NR5A1: variants seen among roughly 807,000 people sequenced by gnomAD.
The protein encoded by NR5A1 is steroidogenic factor 1.
NR5A1 carries 6 observed loss-of-function variants against 42.7 expected under a neutral mutation model. The ratio of observed to expected loss-of-function variants is 0.14; its 90% confidence interval spans 0.08 to 0.28. The LOEUF is 0.28. NR5A1 is among the 10% of genes least tolerant of loss of function. NR5A1 has a pLI of 1.00. For missense variants in NR5A1, 442 were observed against 626.4 expected (o/e 0.71, Z 3.14); for synonymous variants, 274 against 277.5 (o/e 0.99, Z 0.12).
chr9:124,503,470 GGCCGCCGCCCCA>G lies in NR5A1; in HGVS notation c.-15-72_-15-61del, dbSNP rs1832499843. 1.4e-6 allele frequency: 2 copies of G among 1,408,756 alleles called. No homozygotes were observed. Among genetic ancestry groups the G allele is most frequent in the East Asian group, 5.2e-5 (2 of 38,746 alleles). The allele number at this position is 1,408,756 out of a possible 1,614,324, so 87.3% of individuals were successfully genotyped here. On this transcript the variant is annotated intron_variant, in intron 1 of 6. Transcript: ENST00000373588. The surrounding 1 kb of genome is among the most constrained non-coding windows in gnomAD (Gnocchi z 9.6). ...GAGACCGGCAGCCTGGGGTCCCCGC[GGCCGCCGCCCCA>G]GCCGCTGTCGCCGGCCCGTCGCGTA... is the stretch of plus-strand genomic sequence containing the variant.
At chr9:124,492,033 G>A (rs768693272) in intron 5 of NR5A1, among the ~76,000 whole-genome samples, 39 of 152,094 alleles carry the variant, frequency 2.6e-4, no homozygotes, top group Non-Finnish European at 4.3e-4. Context: ...AGTGCTGCCC[G>A]TCCCGTCCTC....
chr9:124,493,666 C>G (rs561306539), intron 4 of NR5A1, among the ~76,000 whole-genome samples: 27 of 152,336 alleles, frequency 1.8e-4, no homozygotes, highest in African/African-American at 5.8e-4. Context: ...GCTTCCCCCC[C>G]GGGCCTACGC....
intron 1 of NR5A1, among the ~76,000 whole-genome samples, chr9:124,504,869 C>T (rs906429540): frequency 1.2e-4 from 17 of 140,878 alleles, no homozygotes; most frequent in African/African-American, 4.1e-4. Context: ...CGGCTCCCCC[C>T]TCCCGCCTCC....
At chr9:124,507,219 T>G (rs1408687873) in intron 1 of NR5A1, 30 bp downstream of exon 1, 1 of 152,482 alleles carries the variant, frequency 6.6e-6, no homozygotes, top group East Asian at 1.9e-4. Context: ...AGGCTGGCCA[T>G]TAGAGGCCTG....
At chr9:124,492,789 C>T (rs1362724330) in intron 5 of NR5A1, among the ~76,000 whole-genome samples, 1 of 152,258 alleles carries the variant, frequency 6.6e-6, no homozygotes, top group Admixed American at 6.5e-5. Context: ...ATGCCCACAC[C>T]CCCTGAGCTG....
rs1428535872 is a variant in NR5A1, at chr9:124,507,266, C to T, written c.-33G>A. ...TCACTTACGAAGCGGAAGCAGCGCT[C>T]TCACACCGGATGAGGGTGGCAGTGG... is the stretch of plus-strand genomic sequence containing the variant. On this transcript the variant is annotated 5_prime_UTR_variant, in exon 1 of 7. Transcript: ENST00000373588. The T allele has an allele frequency of 6.6e-6, 1 of 152,570 alleles. No individual in the cohort carries two copies. The highest frequency in any genetic ancestry group is 1.5e-5 in the Non-Finnish European group (1 of 68,230). The allele number at this position is 152,570 out of a possible 1,614,324, so 9.5% of individuals were successfully genotyped here.
At position 124,503,875 on chromosome 9, in the gene NR5A1, A is replaced by T. The variant is rs1038463637; in HGVS notation, c.-15-465T>A. ...GAGTCCGGGGGAGCCAGAGATGGGA[A>T]GAAACTCTGGCGAGAGACAACGACC... On this transcript the variant is annotated intron_variant, in intron 1 of 6. Coordinates refer to ENST00000373588, the MANE Select transcript of NR5A1 (RefSeq NM_004959.5). This position sits in a 1 kb window ranked among gnomAD's most constrained non-coding sequence, Gnocchi z 9.6. 3.9e-5 allele frequency among the ~76,000 whole-genome samples: 6 copies of T among 152,118 alleles called. No homozygotes were observed. Among genetic ancestry groups the T allele is most frequent in the African/African-American group, 1.4e-4 (6 of 41,420 alleles).
Position 124,482,722 on chromosome 9 carries a change from CCCG to C in NR5A1, c.*33_*35del. 1.6e-5 allele frequency: 6 copies of C among 364,168 alleles called. No individual in the cohort carries two copies. The highest frequency in any genetic ancestry group is 2.6e-5 in the African/African-American group (1 of 38,264). 22.6% of individuals were successfully genotyped at this position (364,168 alleles called of 1,614,324 possible). A position where few individuals can be genotyped will look rare whatever the true frequency, so the allele number is the denominator to read the frequency against. On this transcript the variant is annotated 3_prime_UTR_variant, in exon 7 of 7. Transcript: ENST00000373588. ...GCCCCGCCCAGGCCCCGCCCCCAGT[CCCG>C]CCCCCAGTCCCGGCCCCGCCCCCGG...
intron 6 of NR5A1, among the ~76,000 whole-genome samples, chr9:124,486,615 C>T (rs1211314365): frequency 6.6e-6 from 1 of 152,168 alleles, no homozygotes; most frequent in Non-Finnish European, 1.5e-5. Context: ...TCTAGGATTC[C>T]CCCAGAGAGG....
At chr9:124,505,641 C>T (rs1407192194) in intron 1 of NR5A1, among the ~76,000 whole-genome samples, 1 of 152,140 alleles carries the variant, frequency 6.6e-6, no homozygotes, top group Non-Finnish European at 1.5e-5. Flanking sequence ...GGTCGCTGGG[C>T]TGGAAATGGG....
At position 124,491,015 on chromosome 9, in the gene NR5A1, T is replaced by TCGCCCC; in HGVS notation, c.1138+65_1138+66insGGGGCG. On this transcript the variant is annotated intron_variant, in intron 6 of 6. Transcript: ENST00000373588. ...CCACAGCAGGGCTACCTCTCCAGCC[T>TCGCCCC]CACCCACCCTCCCACCCACCCGCCT... is the stretch of plus-strand genomic sequence containing the variant. The TCGCCCC allele has an allele frequency of 3.9e-5, 25 of 634,816 alleles. 1 individual carries two copies. The highest frequency in any genetic ancestry group is 6.1e-5 in the Non-Finnish European group (22 of 363,624). The allele number at this position is 634,816 out of a possible 1,614,324, so 39.3% of individuals were successfully genotyped here. A position where few individuals can be genotyped will look rare whatever the true frequency, so the allele number is the denominator to read the frequency against.
chr9:124,490,431 A>G (rs1007941039), intron 6 of NR5A1, among the ~76,000 whole-genome samples: 1 of 151,952 alleles, frequency 6.6e-6, no homozygotes, highest in African/African-American at 2.4e-5. Flanking sequence ...AACGGGAAGG[A>G]GACCCCCCAA....
intron 5 of NR5A1, among the ~76,000 whole-genome samples, chr9:124,492,260 C>T (rs1188682622): frequency 6.6e-6 from 1 of 150,790 alleles, no homozygotes; most frequent in Non-Finnish European, 1.5e-5. Flanking sequence ...CCTCTCTTTC[C>T]CTACAGCCCA....
chr9:124,486,020 G>A (rs10986355), intron 6 of NR5A1, among the ~76,000 whole-genome samples: 76,096 of 151,764 alleles, frequency 0.5, 19,323 homozygotes, highest in East Asian at 0.63. Flanking sequence ...GGGCAGGGGC[G>A]GGAGGGGGCT....
chr9:124,500,558 G>A lies in NR5A1; in HGVS notation c.402C>T (p.Pro134=), dbSNP rs374497365. ...TGGGAGGCAGCACGTAGTCCGGTGC[G>A]GGAGGGGGCGGCGGGGGCACCCCCA... ...PPMGVPPPPP[P]APDYVLPPSL... The change falls in exon 4 of 7, where the codon CCC becomes CCT. Residue 134 remains proline (P), a synonymous_variant. Coordinates refer to ENST00000373588, the MANE Select transcript of NR5A1 (RefSeq NM_004959.5). The surrounding 1 kb of genome is among the most constrained non-coding windows in gnomAD (Gnocchi z 6.9). 24 of 1,611,078 alleles carry A rather than the reference G, an allele frequency of 1.5e-5. No homozygotes were observed. Among genetic ancestry groups the A allele is most frequent in the Middle Eastern group, 1.7e-4 (1 of 5,978 alleles).
Position 124,500,832 on chromosome 9 carries a change from A to C in NR5A1, c.245-117T>G. ...TCTCTCCCCTGCTCAACACCCTTTC[A>C]TGGCTCCCACTGACCACAGGGGAAG... On this transcript the variant is annotated intron_variant, in intron 3 of 6. Coordinates refer to ENST00000373588, the MANE Select transcript of NR5A1 (RefSeq NM_004959.5). The surrounding 1 kb of genome is among the most constrained non-coding windows in gnomAD (Gnocchi z 6.9). The C allele has an allele frequency of 6.6e-7, 1 of 1,507,370 alleles. No homozygotes were observed. The highest frequency in any genetic ancestry group is 9.2e-7 in the Non-Finnish European group (1 of 1,090,806). 93.4% of individuals were successfully genotyped at this position (1,507,370 alleles called of 1,614,324 possible). A position where few individuals can be genotyped will look rare whatever the true frequency, so the allele number is the denominator to read the frequency against.
chr9:124,504,953 G>A (rs986047917), intron 1 of NR5A1, among the ~76,000 whole-genome samples: 2 of 148,168 alleles, frequency 1.3e-5, no homozygotes, highest in Non-Finnish European at 3.0e-5. Context: ...CTGGGACCCG[G>A]GCCCCTCAGC....
In NR5A1 at chr9:124,493,169, G is replaced by A. The variant is rs2297605; in HGVS notation, c.871-20C>T. ...GGCCACCTGGAAGGAAGAGGCACGC[G>A]GGGGGCCGGGCTCCAGCCAGGGTCC... On this transcript the variant is annotated intron_variant, in intron 4 of 6. Transcript: ENST00000373588. 0.46 allele frequency: 742,153 copies of A among 1,605,024 alleles called. 176,117 individuals carry two copies. Among genetic ancestry groups the A allele is most frequent in the Admixed American group, 0.64 (37,966 of 59,756 alleles).
chr9:124,483,377 AT>A (rs1048456446), intron 6 of NR5A1, among the ~76,000 whole-genome samples: 117 of 152,306 alleles, frequency 7.7e-4, no homozygotes, highest in African/African-American at 2.7e-3. Flanking sequence ...CTCGGGGAGG[AT>A]CCCTGGGCAG....
Sources: gnomAD v4.1 joint callset for allele counts (sites outside exome capture counted in the v4.1 genomes callset) on GRCh38, gnomAD v4.1.1 for gene constraint, Gnocchi (gnomAD v3.1) non-coding constraint, MANE v1.5 for transcripts, NCBI Gene and HGNC (gene_info 2026-07-23, HGNC 2026-07-21) for gene names.